Variants in GREB1 observed in about 807,000 individuals in gnomAD.
GREB1 encodes the protein protein GREB1.
Under a neutral mutation model 200.7 loss-of-function variants are expected in GREB1, and 106 were observed. The observed-to-expected ratio is 0.53, with a 90% CI of 0.45 to 0.62. The LOEUF (loss-of-function observed/expected upper bound fraction) is 0.62, where lower values mean the gene tolerates loss of function less well. GREB1 is among the 20% of genes least tolerant of loss of function. The probability of loss-of-function intolerance (pLI) is 0.00; values close to 1 mark genes in which losing one functional copy is unlikely to be tolerated. For missense variants in GREB1, 2,243 were observed against 2,556.8 expected (o/e 0.88, Z 2.65); for synonymous variants, 1,132 against 1,092.4 (o/e 1.04, Z -0.72).
Position 11,632,044 on chromosome 2 carries a change from AT to A in GREB1, c.4750del (p.Tyr1584IlefsTer59). 3 of 1,614,100 alleles carry A rather than the reference AT, an allele frequency of 1.9e-6. No homozygotes were observed. The highest frequency in any genetic ancestry group is 2.5e-6 in the Non-Finnish European group (3 of 1,179,976). On this transcript the variant is annotated frameshift_variant, in exon 27 of 33. Transcript: ENST00000381486. LOFTEE classifies it high-confidence loss of function. ...VLVVKEYEMAIYKKYWPNHIM... is the reference protein window; with the variant it reads ...VLVVKEYEMAXYKKYWPNHIM... ...GGTTGTCAAGGAATACGAGATGGCA[AT>A]TTATAAGAAATATTGGCCCAACCAC...
intron 6 of GREB1, among the ~76,000 whole-genome samples, chr2:11,579,268 A>G (rs1252582223): frequency 6.6e-6 from 1 of 152,200 alleles, no homozygotes; most frequent in Non-Finnish European, 1.5e-5. Context: ...TGCCTCTGCC[A>G]TCATGGCCTG....
chr2:11,547,620 G>T (rs1675407125), intron 1 of GREB1, among the ~76,000 whole-genome samples: 1 of 152,064 alleles, frequency 6.6e-6, no homozygotes, highest in Non-Finnish European at 1.5e-5. Context: ...CAGTCTAAAA[G>T]TTAAATTATA....
rs1020264559 is a variant in GREB1, at chr2:11,548,379, C to T, written c.-161-8075C>T. ...CCCAACACAGATGCACACACATACA[C>T]ACACCCACATACATACACATACACA... On this transcript the variant is annotated intron_variant, in intron 1 of 32. Coordinates refer to ENST00000381486, the MANE Select transcript of GREB1 (RefSeq NM_014668.4). The surrounding 1 kb of genome is among the most constrained non-coding windows in gnomAD (Gnocchi z 5.1). Among the ~76,000 whole-genome samples, 5 of 148,266 alleles carry T rather than the reference C, an allele frequency of 3.4e-5. No homozygotes were observed. The highest frequency in any genetic ancestry group is 1.3e-4 in the African/African-American group (5 of 37,774).
Position 11,640,303 on chromosome 2 carries a change from G to A in GREB1, c.5699G>A (p.Cys1900Tyr). 6.2e-7 allele frequency: 1 copy of A among 1,612,032 alleles called. No individual in the cohort carries two copies. ...KFHFLKGATL[C>Y]VICQDRSSLR... ...GTTGTCCACGCAGGTGCGACGTTGT[G>A]TGTCATCTGTCAGGACCGGAGCTCA... Residue 1900 changes from cysteine (C) to tyrosine (Y), a missense_variant, in exon 33 of 33, where the codon TGT becomes TAT. Transcript: ENST00000381486. The surrounding 1 kb of genome is among the most constrained non-coding windows in gnomAD (Gnocchi z 4.6).
At chr2:11,557,872 C>T (rs924835373) in intron 2 of GREB1, among the ~76,000 whole-genome samples, 2 of 152,058 alleles carry the variant, frequency 1.3e-5, no homozygotes, top group Non-Finnish European at 1.5e-5. Flanking sequence ...GCATGGGAGA[C>T]GTCACTGTGA....
At chr2:11,486,697 G>A (rs1237711383) in intron 1 of GREB1, among the ~76,000 whole-genome samples, 3 of 151,788 alleles carry the variant, frequency 2.0e-5, no homozygotes, top group Admixed American at 6.6e-5. Flanking sequence ...GTGAAACCCC[G>A]TCTCTACTGA....
intron 1 of GREB1, among the ~76,000 whole-genome samples, chr2:11,528,813 T>C (rs1673971617): frequency 6.6e-6 from 1 of 152,196 alleles, no homozygotes; most frequent in Non-Finnish European, 1.5e-5. Context: ...AACCAGACAA[T>C]ATTTTTTAGA....
At chr2:11,576,276 C>T in intron 4 of GREB1, 77 bp from the exon 5 acceptor site, 2 of 1,211,208 alleles carry the variant, frequency 1.7e-6, no homozygotes, top group East Asian at 2.3e-5. Flanking sequence ...CATTGCATTC[C>T]AGCCTAGATG....
chr2:11,600,830 T>C lies in GREB1; in HGVS notation c.2364T>C (p.Ser788=). 2 of 1,614,122 alleles carry C rather than the reference T, an allele frequency of 1.2e-6. No homozygotes were observed. Among genetic ancestry groups the C allele is most frequent in the Non-Finnish European group, 1.7e-6 (2 of 1,179,966 alleles). ...SSTVHNLYSQ[S]DPSVGLVDRL... is the part of the protein sequence containing the mutation. ...CTGTTCATAACCTCTATTCTCAAAG[T>C]GACCCGTCGGTGGGATTGGTGGACC... is the stretch of plus-strand genomic sequence containing the variant. The change falls in exon 16 of 33, where the codon AGT becomes AGC. Residue 788 remains serine, a synonymous_variant. Transcript: ENST00000381486.
intron 10 of GREB1, chr2:11,591,514 C>A: frequency 1.4e-6 from 1 of 707,246 alleles, no homozygotes; most frequent in Non-Finnish European, 2.6e-6. Context: ...ATGCAAATCA[C>A]AAATCAAGTC....
chr2:11,557,070 G>T (rs567208784), intron 2 of GREB1, among the ~76,000 whole-genome samples: 46 of 152,304 alleles, frequency 3.0e-4, no homozygotes, highest in Non-Finnish European at 3.1e-4. Flanking sequence ...TTTTCACTTG[G>T]AAAAGCAAGG....
Position 11,524,981 on chromosome 2 carries a change from TG to T in GREB1, c.-158-31474del, listed in dbSNP as rs1418419971. Among the ~76,000 whole-genome samples, 5 of 152,146 alleles carry T rather than the reference TG, an allele frequency of 3.3e-5. No homozygotes were observed. The East Asian group carries it at 9.6e-4, about 29-fold the overall frequency. On this transcript the variant is annotated intron_variant, in intron 1 of 2. Coordinates refer to the GREB1 transcript ENST00000628795. ...TTTCATCCCTCATGTTTCTCTCTTC[TG>T]GTTTGGAAAGCGGACTACACTTGCT...
chr2:11,513,964 C>T (rs1330473180), intron 1 of GREB1, among the ~76,000 whole-genome samples: 2 of 152,178 alleles, frequency 1.3e-5, no homozygotes, highest in African/African-American at 4.8e-5. Flanking sequence ...GGCCGCTGCC[C>T]TTAGGAGCTC....
intron 30 of GREB1, among the ~76,000 whole-genome samples, chr2:11,637,289 C>A (rs181052448): frequency 6.8e-6 from 1 of 147,832 alleles, no homozygotes; most frequent in African/African-American, 2.5e-5. Context: ...TAGATGTAAA[C>A]GTGTTGGTGA....
Position 11,590,178 on chromosome 2 carries a change from C to G in GREB1, c.1345+1247C>G, listed in dbSNP as rs542146696. 1.3e-4 allele frequency among the ~76,000 whole-genome samples: 20 copies of G among 152,194 alleles called. 1 individual carries two copies. The South Asian group carries it at 4.2e-3, about 32-fold the overall frequency. On this transcript the variant is annotated intron_variant, in intron 10 of 32. Coordinates refer to ENST00000381486, the MANE Select transcript of GREB1 (RefSeq NM_014668.4). ...GAATCTGGGAAACCCAGCATTGTCG[C>G]TCTTTCTCATAGTCCCCACCTGTCC...
intron 1 of GREB1, among the ~76,000 whole-genome samples, chr2:11,495,118 G>C (rs942662429): frequency 1.3e-5 from 2 of 152,168 alleles, no homozygotes; most frequent in Non-Finnish European, 2.9e-5. Flanking sequence ...TACATCGTCT[G>C]CTTATCTCCA....
In GREB1 at chr2:11,618,863, G is replaced by C; in HGVS notation, c.3988G>C (p.Glu1330Gln). ...PSHMDYGNRA[E>Q]GRVDGFHPRR... ...CCACATGGACTACGGCAACCGGGCC[G>C]AGGGCCGCGTGGACGGCTTCCACCC... Residue 1330 changes from glutamate to glutamine, a missense_variant, in exon 22 of 33, where the codon GAG becomes CAG. Glu to Gln is a conservative substitution (Grantham distance 29). This residue lies in a region of GREB1 where 587 missense variants were observed against 553.1 expected (regional missense o/e 1.06). Coordinates refer to ENST00000381486, the MANE Select transcript of GREB1 (RefSeq NM_014668.4). The C allele has an allele frequency of 3.8e-6, 6 of 1,586,656 alleles. No individual in the cohort carries two copies. The highest frequency in any genetic ancestry group is 1.1e-5 in the South Asian group (1 of 88,224).
intron 1 of GREB1, among the ~76,000 whole-genome samples, chr2:11,502,106 G>A (rs904696517): frequency 2.0e-5 from 3 of 150,042 alleles, no homozygotes; most frequent in African/African-American, 4.9e-5. Flanking sequence ...TAGTAGAGAC[G>A]GCGTTTCACC....
chr2:11,514,987 C>T (rs67894448), intron 1 of GREB1, among the ~76,000 whole-genome samples: 74,003 of 151,430 alleles, frequency 0.49, 18,977 homozygotes, highest in East Asian at 0.77. Context: ...TCCATCCATC[C>T]GCGCATGTGT....
Sources: allele counts gnomAD v4.1 joint callset (sites outside exome capture counted in the v4.1 genomes callset), GRCh38; gene constraint gnomAD v4.1.1; regional missense constraint gnomAD v4.1.1; non-coding constraint Gnocchi (gnomAD v3.1); transcripts MANE v1.5; gene names NCBI Gene and HGNC (gene_info 2026-07-23, HGNC 2026-07-21).